Variants in ABCA13 observed in about 807,000 individuals in gnomAD.
ABCA13 encodes the protein ATP binding cassette subfamily A member 13.
ABCA13 carries 476 observed loss-of-function variants against 478.7 expected under a neutral mutation model. The observed-to-expected ratio is 0.99, with a 90% confidence interval of 0.92 to 1.07. The LOEUF (loss-of-function observed/expected upper bound fraction) is 1.07. Among genes scored for constraint, ABCA13 ranks in the 50% least tolerant of loss-of-function variants. The pLI, the probability that ABCA13 is intolerant of heterozygous loss-of-function variation, is 0.00. For missense variants in ABCA13, 6,060 were observed against 5,910.6 expected, an observed-to-expected ratio of 1.03 and a Z score of -0.83; for synonymous variants, 2,252 against 2,158.9, an observed-to-expected ratio of 1.04 and a Z score of -1.20.
intron 42 of ABCA13, among the ~76,000 whole-genome samples, chr7:48,435,907 T>G (rs1207559616): frequency 6.6e-6 from 1 of 151,618 alleles, no homozygotes; most frequent in Non-Finnish European, 1.5e-5. Flanking sequence ...ACTGTCAAAT[T>G]TGGTATGCCA....
At chr7:48,172,739 AGTGAGCCG>A (rs1794291056) in intron 1 of ABCA13, among the ~76,000 whole-genome samples, 1 of 126,076 alleles carries the variant, frequency 7.9e-6, no homozygotes, top group African/African-American at 2.9e-5. Flanking sequence ...CGGAGCTTGC[AGTGAGCCG>A]AGATCGCGCC....
At chr7:48,423,414 A>G (rs757026318) in intron 41 of ABCA13, among the ~76,000 whole-genome samples, 1 of 152,172 alleles carries the variant, frequency 6.6e-6, no homozygotes, top group Non-Finnish European at 1.5e-5. Context: ...TCTAAGCAAA[A>G]AAGTACCTTG....
chr7:48,570,399 A>G (rs1475677812), intron 55 of ABCA13, among the ~76,000 whole-genome samples: 1 of 133,258 alleles, frequency 7.5e-6, no homozygotes, highest in Admixed American at 9.3e-5. Context: ...ATCTTGGCTC[A>G]CTGCAAGCTC....
chr7:48,458,911 C>T (rs1825958803), intron 43 of ABCA13, among the ~76,000 whole-genome samples: 1 of 152,182 alleles, frequency 6.6e-6, no homozygotes, highest in Non-Finnish European at 1.5e-5. Flanking sequence ...CAGACCTCCA[C>T]AGCACATTGA....
chr7:48,395,375 G>A (rs1458116547), intron 38 of ABCA13, among the ~76,000 whole-genome samples: 1 of 152,224 alleles, frequency 6.6e-6, no homozygotes, highest in African/African-American at 2.4e-5. Flanking sequence ...TGGGGAATAA[G>A]AGAGGAGGGG....
intron 13 of ABCA13, among the ~76,000 whole-genome samples, chr7:48,247,528 T>A (rs575041154): frequency 2.0e-5 from 3 of 152,070 alleles, no homozygotes; most frequent in Non-Finnish European, 1.5e-5. Flanking sequence ...CAAAACACAT[T>A]ATTTTCTCGC....
chr7:48,557,801 G>A (rs67208890), intron 55 of ABCA13, among the ~76,000 whole-genome samples: 21,070 of 151,994 alleles, frequency 0.14, 1,829 homozygotes, highest in African/African-American at 0.23. Flanking sequence ...TTGCACCAAC[G>A]TAATATAACC....
In ABCA13 at chr7:48,395,285, G is replaced by A. The variant is rs1816689357; in HGVS notation, c.11873+3146G>A. 2.0e-5 allele frequency among the ~76,000 whole-genome samples: 3 copies of A among 152,308 alleles called. No individual in the cohort carries two copies. The South Asian group carries it at 6.2e-4, about 32-fold the overall frequency. Reference sequence around the variant, plus strand: ...GGGGTGAGCCCAAGTCGCAGGGAGAGCTGGGGGCTCCTGCACTAAGAACAG... The same window carrying A: ...GGGGTGAGCCCAAGTCGCAGGGAGAACTGGGGGCTCCTGCACTAAGAACAG... On this transcript the variant is annotated intron_variant, in intron 38 of 61. Coordinates refer to ENST00000435803, the MANE Select transcript of ABCA13 (RefSeq NM_152701.5).
chr7:48,364,811 G>A (rs527262719), intron 31 of ABCA13, among the ~76,000 whole-genome samples: 110 of 152,188 alleles, frequency 7.2e-4, no homozygotes, highest in Non-Finnish European at 1.2e-3. Context: ...TTCATCCATT[G>A]ATGAACACTT....
At chr7:48,400,590 C>G (rs1817470771) in intron 38 of ABCA13, among the ~76,000 whole-genome samples, 1 of 152,166 alleles carries the variant, frequency 6.6e-6, no homozygotes, top group Non-Finnish European at 1.5e-5. Context: ...AAAAATTCAA[C>G]AGATTAAAAA....
intron 10 of ABCA13, among the ~76,000 whole-genome samples, chr7:48,241,508 A>G (rs1182311796): frequency 6.6e-6 from 1 of 152,218 alleles, no homozygotes; most frequent in Non-Finnish European, 1.5e-5. Context: ...GTCCAGAAAT[A>G]TTGTAGAAGT....
chr7:48,325,539 T>C (rs1374673568), intron 27 of ABCA13, among the ~76,000 whole-genome samples: 3 of 152,172 alleles, frequency 2.0e-5, no homozygotes, highest in Admixed American at 6.5e-5. Flanking sequence ...AGAAATCTGA[T>C]TACTTTTTCT....
chr7:48,414,285 A>G (rs1000429773), intron 41 of ABCA13, among the ~76,000 whole-genome samples: 2 of 151,962 alleles, frequency 1.3e-5, no homozygotes, highest in Middle Eastern at 3.4e-3. Context: ...CCCTCACTGC[A>G]CTCTGAAGCT....
At position 48,273,250 on chromosome 7, in the gene ABCA13, G is replaced by A; in HGVS notation, c.3584G>A (p.Ser1195Asn). The A allele has an allele frequency of 1.2e-6, 2 of 1,613,634 alleles. No individual in the cohort carries two copies. Among genetic ancestry groups the A allele is most frequent in the Non-Finnish European group, 1.7e-6 (2 of 1,179,752 alleles). The change falls in exon 17 of 62, where the codon AGC becomes AAC. Residue 1195 changes from serine (S) to asparagine (N), a missense_variant. Ser to Asn is a conservative substitution (Grantham distance 46). Around this residue, in one of 3 missense-constraint regions of ABCA13, gnomAD observed 4,423 missense variants for 4,309.1 expected, o/e 1.03. Transcript: ENST00000435803. Reference sequence around the variant, plus strand: ...GAAGATGATGTGAAAGTCTCTAAAAGCTGCCAGGGTATACTTCCCACCCAT... The same window carrying A: ...GAAGATGATGTGAAAGTCTCTAAAAACTGCCAGGGTATACTTCCCACCCAT... ...ELEDDVKVSK[S>N]CQGILPTHNV...
chr7:48,425,473 C>G (rs536036309), intron 41 of ABCA13, among the ~76,000 whole-genome samples: 1 of 152,076 alleles, frequency 6.6e-6, no homozygotes, highest in Non-Finnish European at 1.5e-5. Flanking sequence ...CTATTTAATT[C>G]CCTATAAATG....
intron 55 of ABCA13, among the ~76,000 whole-genome samples, chr7:48,566,853 G>A (rs1259964309): frequency 6.6e-6 from 1 of 152,134 alleles, no homozygotes; most frequent in African/African-American, 2.4e-5. Flanking sequence ...AGTACAGTTT[G>A]ACTTAACATG....
At chr7:48,546,141 C>T (rs1448129952) in intron 55 of ABCA13, among the ~76,000 whole-genome samples, 4 of 151,830 alleles carry the variant, frequency 2.6e-5, no homozygotes, top group African/African-American at 9.7e-5. Flanking sequence ...AATACACCTG[C>T]ATCTGTTCAC....
chr7:48,377,640 A>G (rs993462278), intron 35 of ABCA13, among the ~76,000 whole-genome samples: 2 of 152,188 alleles, frequency 1.3e-5, no homozygotes, highest in Admixed American at 6.5e-5. Context: ...CTCAAGAGGT[A>G]GAGAGAGAAC....
chr7:48,485,067 A>G (rs922892412), intron 47 of ABCA13, among the ~76,000 whole-genome samples: 1 of 152,200 alleles, frequency 6.6e-6, no homozygotes, highest in Non-Finnish European at 1.5e-5. Flanking sequence ...TGTGACCTTT[A>G]TGAGTTCTAT....
Sources: allele counts gnomAD v4.1 joint callset (sites outside exome capture counted in the v4.1 genomes callset), GRCh38; gene constraint gnomAD v4.1.1; regional missense constraint gnomAD v4.1.1; transcripts MANE v1.5; gene names NCBI Gene and HGNC (gene_info 2026-07-23, HGNC 2026-07-21).